Variants in GRIN2A observed in about 807,000 individuals in gnomAD.
GRIN2A encodes the protein glutamate receptor ionotropic, NMDA 2A.
GRIN2A carries 22 observed loss-of-function variants against 113.4 expected under a neutral mutation model. That is an observed-to-expected ratio of 0.19 (90% CI 0.14 to 0.28). The LOEUF (loss-of-function observed/expected upper bound fraction) is 0.28, where lower values mean the gene tolerates loss of function less well. Ranked by LOEUF, GRIN2A falls within the 10% of genes least tolerant of loss-of-function variation. The pLI is 1.00. For synonymous variants in GRIN2A, 827 were observed against 738.4 expected (o/e 1.12, Z -1.94); for missense variants, 1,502 against 1,887.0 (o/e 0.80, Z 3.78).
At position 9,761,189 on chromosome 16, in the gene GRIN2A, T is replaced by G. The variant is rs1303171061; in HGVS notation, c.*1960A>C. On this transcript the variant is annotated 3_prime_UTR_variant, in exon 13 of 13. Coordinates refer to ENST00000330684, the MANE Select transcript of GRIN2A (RefSeq NM_001134407.3). ...CATTATAGGAACACTGTAGGTCAGG[T>G]GTACTTTCCCAAAGATGGAGCTATT... 4 of 231,970 alleles carry G rather than the reference T, an allele frequency of 1.7e-5. No homozygotes were observed. The highest frequency in any genetic ancestry group is 2.6e-5 in the Non-Finnish European group (3 of 117,362). The allele number at this position is 231,970 out of a possible 1,614,324, so 14.4% of individuals were successfully genotyped here.
chr16:10,029,812 C>T (rs969833025), intron 2 of GRIN2A, among the ~76,000 whole-genome samples: 3 of 151,924 alleles, frequency 2.0e-5, no homozygotes, highest in Admixed American at 6.6e-5. Context: ...GCCTGGCCAA[C>T]ATGGTAAAAC....
intron 2 of GRIN2A, among the ~76,000 whole-genome samples, chr16:10,148,263 G>A (rs914811552): frequency 4.6e-5 from 7 of 152,158 alleles, no homozygotes; most frequent in Non-Finnish European, 4.4e-5. Flanking sequence ...TGCTAAAACG[G>A]CAGAGTTGAG....
At chr16:9,918,027 C>G (rs1162567916) in intron 3 of GRIN2A, among the ~76,000 whole-genome samples, 1 of 152,160 alleles carries the variant, frequency 6.6e-6, no homozygotes, top group Non-Finnish European at 1.5e-5. Flanking sequence ...TAAGAGCCAG[C>G]ATTCATAGAT....
At chr16:10,100,073 G>A (rs1162959505) in intron 2 of GRIN2A, among the ~76,000 whole-genome samples, 1 of 152,190 alleles carries the variant, frequency 6.6e-6, no homozygotes, top group Non-Finnish European at 1.5e-5. Flanking sequence ...AAGGGCCCAT[G>A]TCAGACAGGT....
rs540691510 is a variant in GRIN2A at position 10,121,046 on chromosome 16, G to A, written c.414+58952C>T. ...CATCCTTTCAAACCCAGCCACAGACGTCAAATTTCAGACTGAGGACTGGAT... is the reference window on the plus strand; with the variant it reads ...CATCCTTTCAAACCCAGCCACAGACATCAAATTTCAGACTGAGGACTGGAT... On this transcript the variant is annotated intron_variant, in intron 2 of 12. Coordinates refer to ENST00000330684, the MANE Select transcript of GRIN2A (RefSeq NM_001134407.3). Among the ~76,000 whole-genome samples the A allele has an allele frequency of 4.0e-4, 61 of 152,204 alleles. 1 individual carries two copies. The South Asian group carries it at 4.2e-3, about 10-fold the overall frequency.
At position 9,760,131 on chromosome 16, in the gene GRIN2A, C is replaced by G. The variant is rs562770874; in HGVS notation, c.*3018G>C. ...CATTTGTGTTCAGAAATTTGGGCTCCTTGACATCAACAAATCTAAGAACTC... is the reference window on the plus strand; with the variant it reads ...CATTTGTGTTCAGAAATTTGGGCTCGTTGACATCAACAAATCTAAGAACTC... On this transcript the variant is annotated 3_prime_UTR_variant, in exon 13 of 13. Transcript: ENST00000330684. 3.4e-4 allele frequency: 77 copies of G among 225,052 alleles called. No individual in the cohort carries two copies. Among genetic ancestry groups the G allele is most frequent in the Non-Finnish European group, 5.8e-4 (66 of 112,934 alleles). 13.9% of individuals were successfully genotyped at this position (225,052 alleles called of 1,614,324 possible). A position where few individuals can be genotyped will look rare whatever the true frequency, so the allele number is the denominator to read the frequency against.
intron 2 of GRIN2A, chr16:9,970,790 A>T: frequency 2.4e-6 from 2 of 847,056 alleles, no homozygotes; most frequent in Non-Finnish European, 2.8e-6. Context: ...GAAATATTGG[A>T]TATATCAAAT....
rs113222181 is a variant in GRIN2A, at chr16:10,146,714, G to T, written c.414+33284C>A. Reference sequence around the variant, plus strand: ...GACAGGTGTTGGGAGGTGGCTCCTGGAGCGTCTGTAGACAGCATTTGCCTA... The same window carrying T: ...GACAGGTGTTGGGAGGTGGCTCCTGTAGCGTCTGTAGACAGCATTTGCCTA... On this transcript the variant is annotated intron_variant, in intron 2 of 12. Transcript: ENST00000330684. 2.9e-3 allele frequency among the ~76,000 whole-genome samples: 441 copies of T among 152,140 alleles called. 3 individuals are homozygous for T. The highest frequency in any genetic ancestry group is 0.01 in the African/African-American group (426 of 41,498).
At chr16:10,004,246 G>C (rs1186340930) in intron 2 of GRIN2A, among the ~76,000 whole-genome samples, 1 of 151,892 alleles carries the variant, frequency 6.6e-6, no homozygotes, top group Non-Finnish European at 1.5e-5. Context: ...AAAATCAGCT[G>C]GGCATGATGG....
At chr16:9,966,583 T>C (rs1349056098) in intron 2 of GRIN2A, among the ~76,000 whole-genome samples, 1 of 152,222 alleles carries the variant, frequency 6.6e-6, no homozygotes, top group Non-Finnish European at 1.5e-5. Flanking sequence ...TGCAAGAACA[T>C]ACACATGCCC....
At chr16:9,784,303 G>A (rs1317738665) in intron 11 of GRIN2A, among the ~76,000 whole-genome samples, 1 of 151,860 alleles carries the variant, frequency 6.6e-6, no homozygotes, top group South Asian at 2.1e-4. Flanking sequence ...GGTGGTGGGT[G>A]CCTGTAATCC....
At chr16:9,789,583 CACACACAA>C (rs1170177889) in intron 11 of GRIN2A, among the ~76,000 whole-genome samples, 1 of 122,410 alleles carries the variant, frequency 8.2e-6, no homozygotes, top group Non-Finnish European at 1.7e-5. Flanking sequence ...CACACACACA[CACACACAA>C]ACACATAAAT....
intron 2 of GRIN2A, among the ~76,000 whole-genome samples, chr16:10,105,318 T>G (rs545099069): frequency 6.6e-6 from 1 of 152,254 alleles, no homozygotes; most frequent in East Asian, 1.9e-4. Context: ...ATTTAACAGT[T>G]TGCACTGTGT....
chr16:9,851,083 T>G (rs181061333), intron 4 of GRIN2A, among the ~76,000 whole-genome samples: 12 of 152,288 alleles, frequency 7.9e-5, no homozygotes, highest in African/African-American at 2.2e-4. Context: ...CTGTAATGTT[T>G]AAGTGTCACC....
chr16:10,058,687 C>T (rs1196344344), intron 2 of GRIN2A, among the ~76,000 whole-genome samples: 1 of 152,146 alleles, frequency 6.6e-6, no homozygotes, highest in South Asian at 2.1e-4. Flanking sequence ...ATCCACAGAC[C>T]CCTTAGGGGC....
chr16:9,964,216 G>C (rs1310926045), intron 2 of GRIN2A, among the ~76,000 whole-genome samples: 1 of 152,186 alleles, frequency 6.6e-6, no homozygotes, highest in Admixed American at 6.5e-5. Context: ...ATATCCAAAT[G>C]GAGTTTCATA....
chr16:9,764,834 T>A lies in GRIN2A; in HGVS notation c.2710A>T (p.Ile904Phe), dbSNP rs1555482933. 3 of 1,614,164 alleles carry A rather than the reference T, an allele frequency of 1.9e-6. No homozygotes were observed. The highest frequency in any genetic ancestry group is 2.5e-6 in the Non-Finnish European group (3 of 1,180,016). The change falls in exon 13 of 13, where the codon ATT (isoleucine) becomes TTT (phenylalanine). Residue 904 changes from isoleucine (I) to phenylalanine (F), a missense_variant. By Grantham distance (21) the Ile-to-Phe change is conservative (BLOSUM62 0). Coordinates refer to ENST00000330684, the MANE Select transcript of GRIN2A (RefSeq NM_001134407.3). The part of the protein sequence containing the change: ...MLKLLRSAKN[I>F]SSMSNMNSSR... ...GAGTTCATGTTGGACATGCTGGAAA[T>A]GTTTTTGGCTGACCGGAGGAGTTTT... is the stretch of plus-strand genomic sequence containing the variant.
intron 2 of GRIN2A, among the ~76,000 whole-genome samples, chr16:10,070,123 G>A (rs750544673): frequency 6.6e-6 from 1 of 152,164 alleles, no homozygotes; most frequent in African/African-American, 2.4e-5. Context: ...TGGTAGCCAG[G>A]AAGTCTGAGT....
intron 2 of GRIN2A, among the ~76,000 whole-genome samples, chr16:10,032,049 C>T (rs184855248): frequency 1.8e-4 from 27 of 152,336 alleles, no homozygotes; most frequent in Admixed American, 9.1e-4. Context: ...CTTATTACAG[C>T]GCATCGTATT....
Sources: gnomAD v4.1 joint callset for allele counts (sites outside exome capture counted in the v4.1 genomes callset) on GRCh38, gnomAD v4.1.1 for gene constraint, MANE v1.5 for transcripts, NCBI Gene and HGNC (gene_info 2026-07-23, HGNC 2026-07-21) for gene names.